The following ZNF625 variants were observed in gnomAD, a reference collection of about 807,000 sequenced individuals.
The protein encoded by ZNF625 is zinc finger protein 625.
In ZNF625, 8 loss-of-function variants were observed where a neutral mutation model predicts 11.1. That is an observed-to-expected ratio of 0.72 (90% CI 0.42 to 1.30). The LOEUF is 1.30. Among genes scored for constraint, ZNF625 ranks in the 50% most tolerant of loss-of-function variants. The pLI is 0.01. For synonymous variants in ZNF625, 145 were observed against 153.4 expected (o/e 0.95, Z 0.41); for missense variants, 349 against 447.6 (o/e 0.78, Z 1.99).
rs1391599773 is a variant in ZNF625 at position 12,145,400 on chromosome 19, G to A, written c.1016C>T (p.Ala339Val). The change falls in exon 4 of 4, where the codon GCC (alanine) becomes GTC (valine). Residue 339 changes from alanine (A) to valine (V), a missense_variant. Ala to Val is a moderately conservative substitution (Grantham distance 64, BLOSUM62 0). Coordinates refer to ENST00000439556, the MANE Select transcript of ZNF625 (RefSeq NM_145233.4). ...KPYECKQCGK[A>V]FGCASSVKIH... Reference sequence around the variant, plus strand: ...TTTAACGCTCGAGGCACATCCAAAGGCTTTACCACATTGTTTACATTCATA... The same window carrying A: ...TTTAACGCTCGAGGCACATCCAAAGACTTTACCACATTGTTTACATTCATA... 6.2e-7 allele frequency: 1 copy of A among 1,614,146 alleles called. No individual in the cohort carries two copies. Among genetic ancestry groups the A allele is most frequent in the Non-Finnish European group, 8.5e-7 (1 of 1,180,030 alleles).
intron 1 of ZNF625, among the ~76,000 whole-genome samples, chr19:12,151,091 CT>C (rs1313000660): frequency 6.9e-6 from 1 of 145,652 alleles, no homozygotes; most frequent in Non-Finnish European, 1.5e-5. Flanking sequence ...CAATTTATTT[CT>C]TCTTTTTTTT....
chr19:12,146,147 T>C lies in ZNF625; in HGVS notation c.269A>G (p.Asp90Gly), dbSNP rs750164191. Residue 90 changes from aspartate (D) to glycine (G), a missense_variant, in exon 4 of 4, where the codon GAC becomes GGC. Transcript: ENST00000439556. ...HGEILTQVPDDMLKKKTPRVK... is the reference protein window; with the variant it reads ...HGEILTQVPDGMLKKKTPRVK... ...TCGGGGAGTTTTCTTCTTCAGCATGTCATCTGGAACCTGGGTCAAAATTTC... is the reference window on the plus strand; with the variant it reads ...TCGGGGAGTTTTCTTCTTCAGCATGCCATCTGGAACCTGGGTCAAAATTTC... 6.2e-7 allele frequency: 1 copy of C among 1,614,204 alleles called. No individual in the cohort carries two copies. Among genetic ancestry groups the C allele is most frequent in the Non-Finnish European group, 8.5e-7 (1 of 1,180,040 alleles).
Position 12,145,918 on chromosome 19 carries a change from C to G in ZNF625, c.498G>C (p.Glu166Asp). Reference sequence around the variant, plus strand: ...GGGAAATAAAGCTTTTTCCACATTCCTCACAATCATAAGGTTTCCCCCCAG... The same window carrying G: ...GGGAAATAAAGCTTTTTCCACATTCGTCACAATCATAAGGTTTCCCCCCAG... ...AHTGGKPYDC[E>D]ECGKSFISRS... The change falls in exon 4 of 4, where the codon GAG becomes GAC. Residue 166 changes from glutamate (E) to aspartate (D), a missense_variant. Glu to Asp is a conservative substitution (Grantham distance 45). Coordinates refer to ENST00000439556, the MANE Select transcript of ZNF625 (RefSeq NM_145233.4). 6.2e-7 allele frequency: 1 copy of G among 1,614,048 alleles called. No homozygotes were observed. The highest frequency in any genetic ancestry group is 8.5e-7 in the Non-Finnish European group (1 of 1,180,006).
At chr19:12,151,634 C>T (rs570122610) in intron 1 of ZNF625, among the ~76,000 whole-genome samples, 23 of 152,012 alleles carry the variant, frequency 1.5e-4, no homozygotes, top group Non-Finnish European at 3.4e-4. Flanking sequence ...CCGCCTCGGC[C>T]GCCCAAAGTG....
At chr19:12,147,574 C>G in intron 2 of ZNF625, 102 bp downstream of exon 2, 1 of 1,571,456 alleles carries the variant, frequency 6.4e-7, no homozygotes, top group Non-Finnish European at 8.7e-7. Flanking sequence ...TATTCCCTGT[C>G]CTCACTATTC....
chr19:12,147,128 G>A (rs1226604933), intron 3 of ZNF625, among the ~76,000 whole-genome samples: 3 of 152,010 alleles, frequency 2.0e-5, no homozygotes, highest in East Asian at 3.9e-4. Context: ...CATCACGCCC[G>A]GCTAATTTTT....
chr19:12,147,588 G>A, intron 2 of ZNF625, 88 bp downstream of exon 2: 2 of 1,593,324 alleles, frequency 1.3e-6, no homozygotes, highest in Non-Finnish European at 1.7e-6. Context: ...ACTATTCCCT[G>A]TCCACACTCC....
chr19:12,146,098 G>A lies in ZNF625; in HGVS notation c.318C>T (p.Ser106=), dbSNP rs773380279. Residue 106 remains serine, a synonymous_variant, in exon 4 of 4, where the codon AGC becomes AGT. Transcript: ENST00000439556. ...TPRVKSCGEV[S]VGHASLNRHH... is the part of the protein sequence containing the mutation. ...GCCTATTAAGGGATGCATGACCCAC[G>A]CTGACTTCTCCACATGATTTTACTC... The A allele has an allele frequency of 9.3e-6, 15 of 1,613,990 alleles. No homozygotes were observed. The highest frequency in any genetic ancestry group is 2.2e-5 in the East Asian group (1 of 44,892).
At chr19:12,146,587 G>A (rs570532510) in intron 3 of ZNF625, among the ~76,000 whole-genome samples, 32 of 152,034 alleles carry the variant, frequency 2.1e-4, no homozygotes, top group African/African-American at 7.5e-4. Flanking sequence ...GCATACCATC[G>A]TGCCTGGCTA....
Position 12,145,071 on chromosome 19 carries a change from CTCTT to C in ZNF625, c.*222_*225del. 1.8e-6 allele frequency: 1 copy of C among 563,240 alleles called. No homozygotes were observed. Among genetic ancestry groups the C allele is most frequent in the South Asian group, 2.3e-5 (1 of 43,516 alleles). The allele number at this position is 563,240 out of a possible 1,614,324, so 34.9% of individuals were successfully genotyped here. On this transcript the variant is annotated 3_prime_UTR_variant, in exon 4 of 4. Transcript: ENST00000439556. ...TTAAGGTCTTACTGGAGGTGTGTCTCTCTTAAGAGTTATTTCCAACTCTGTGTCC... is the reference window on the plus strand; with the variant it reads ...TTAAGGTCTTACTGGAGGTGTGTCTCAAGAGTTATTTCCAACTCTGTGTCC...
At chr19:12,147,624 TAG>T in intron 2 of ZNF625, 50 bp downstream of exon 2, 3 of 1,612,632 alleles carry the variant, frequency 1.9e-6, no homozygotes, top group South Asian at 2.2e-5. Flanking sequence ...ACTGACAAGC[TAG>T]AAACACTTGT....
intron 1 of ZNF625, among the ~76,000 whole-genome samples, chr19:12,150,596 A>T (rs1878462512): frequency 6.6e-6 from 1 of 152,182 alleles, no homozygotes; most frequent in South Asian, 2.1e-4. Flanking sequence ...CTCCCATATT[A>T]CAGTTCTCAT....
At chr19:12,154,198 C>T (rs1976997567) in intron 1 of ZNF625, among the ~76,000 whole-genome samples, 1 of 152,100 alleles carries the variant, frequency 6.6e-6, no homozygotes, top group Admixed American at 6.6e-5. Flanking sequence ...GATTAACTTT[C>T]CTCTTACCTT....
At chr19:12,146,853 T>G (rs979286733) in intron 3 of ZNF625, among the ~76,000 whole-genome samples, 1 of 152,148 alleles carries the variant, frequency 6.6e-6, no homozygotes, top group African/African-American at 2.4e-5. Flanking sequence ...CATGGCCGAG[T>G]GTAGCCTCAA....
intron 1 of ZNF625, among the ~76,000 whole-genome samples, chr19:12,154,265 A>G (rs1019738632): frequency 2.0e-5 from 3 of 152,140 alleles, no homozygotes; most frequent in Non-Finnish European, 4.4e-5. Context: ...GTCAAATTTG[A>G]TAATGGCTCA....
chr19:12,154,119 C>A (rs771419500), intron 1 of ZNF625, among the ~76,000 whole-genome samples: 35 of 152,082 alleles, frequency 2.3e-4, no homozygotes, highest in Non-Finnish European at 2.6e-4. Context: ...TACCTATATT[C>A]TTTTGTAAAA....
rs750463530 is a variant in ZNF625, at chr19:12,145,712, C to T, written c.704G>A (p.Arg235Gln). ...GKAFSHSGSL[R>Q]IHERTHTGEK... ...TCCAGTGTGAGTTCTTTCATGTATT[C>T]GAAGGCTACCAGAATGACTAAAGGC... Residue 235 changes from arginine to glutamine, a missense_variant, in exon 4 of 4, where the codon CGA becomes CAA. Physicochemically the swap from Arg to Gln is conservative, Grantham distance 43. Transcript: ENST00000439556. The T allele has an allele frequency of 9.3e-6, 15 of 1,613,742 alleles. No homozygotes were observed. Among genetic ancestry groups the T allele is most frequent in the South Asian group, 5.5e-5 (5 of 91,066 alleles).
chr19:12,147,381 T>C lies in ZNF625; in HGVS notation c.191+14A>G. 6.6e-7 allele frequency: 1 copy of C among 1,520,652 alleles called. No homozygotes were observed. 94.2% of individuals were successfully genotyped at this position (1,520,652 alleles called of 1,614,324 possible). ...TCTAGAGAGACATCACTTTCTCTTG[T>C]GAATGCGAATTACCTTAGGTTTCTC... On this transcript the variant is annotated intron_variant, in intron 3 of 3. Transcript: ENST00000439556.
chr19:12,154,820 G>T (rs959683687), intron 1 of ZNF625, among the ~76,000 whole-genome samples: 1 of 152,092 alleles, frequency 6.6e-6, no homozygotes, highest in African/African-American at 2.4e-5. Flanking sequence ...CCAAAAACCT[G>T]AAAGTTCCCA....
Sources: allele counts gnomAD v4.1 joint callset (sites outside exome capture counted in the v4.1 genomes callset), GRCh38; gene constraint gnomAD v4.1.1; transcripts MANE v1.5; gene names NCBI Gene and HGNC (gene_info 2026-07-23, HGNC 2026-07-21).